Variants in NEMP2 observed in about 807,000 individuals in gnomAD.
The protein encoded by NEMP2 is UPF0571 transmembrane protein.
NEMP2 carries 53 observed loss-of-function variants against 54.2 expected under a neutral mutation model. That is an observed-to-expected ratio of 0.98 (90% CI 0.78 to 1.23). The LOEUF is 1.23. NEMP2 is among the 50% of genes most tolerant of loss of function. The pLI, the probability that NEMP2 is intolerant of heterozygous loss-of-function variation, is 0.00. For synonymous variants in NEMP2, 197 were observed against 190.3 expected (o/e 1.04, Z -0.29); for missense variants, 455 against 511.3 (o/e 0.89, Z 1.06).
At chr2:190,482,868 CTTTTTTTTTTTTTTTTT>C in the NEMP2 span, among the ~76,000 whole-genome samples, 523 of 48,310 alleles carry the variant, frequency 0.011, 21 homozygotes, top group African/African-American at 0.045. Context: ...AGACTATCAT[CTTTTTTTTTTTTTTTTT>C]TTTTTTTTTT....
chr2:190,502,930 T>A (rs1180355246), downstream of NEMP2, among the ~76,000 whole-genome samples: 3 of 152,152 alleles, frequency 2.0e-5, no homozygotes, highest in Non-Finnish European at 4.4e-5. This position sits in a 1 kb window ranked among gnomAD's most constrained non-coding sequence, Gnocchi z 4.4. Context: ...AAGCCAGGAT[T>A]CAAACTCAAA....
At chr2:190,421,919 T>A in the NEMP2 span, among the ~76,000 whole-genome samples, 11 of 152,104 alleles carry the variant, frequency 7.2e-5, no homozygotes. Flanking sequence ...GTCTTCCCAC[T>A]ATAGAAGAAA....
At chr2:190,463,962 C>G in the NEMP2 span, 1 of 873,754 alleles carries the variant, frequency 1.1e-6, no homozygotes, top group South Asian at 5.3e-5. This position sits in a 1 kb window ranked among gnomAD's most constrained non-coding sequence, Gnocchi z 4.4. Context: ...CTCCAGGGAT[C>G]TGGTGTCAAC....
chr2:190,434,214 G>T, the NEMP2 span, among the ~76,000 whole-genome samples: 1 of 151,270 alleles, frequency 6.6e-6, no homozygotes, highest in Admixed American at 6.6e-5. The surrounding 1 kb of genome is among the most constrained non-coding windows in gnomAD (Gnocchi z 4.3). Context: ...AGAAAAGAAG[G>T]TGAAAGGAAT....
the NEMP2 span, among the ~76,000 whole-genome samples, chr2:190,598,817 C>T: frequency 6.6e-6 from 1 of 152,164 alleles, no homozygotes; most frequent in African/African-American, 2.4e-5. Context: ...TGCCAAATAA[C>T]CTTATGACCA....
At chr2:190,599,991 T>A in the NEMP2 span, among the ~76,000 whole-genome samples, 2,065 of 152,252 alleles carry the variant, frequency 0.014, 51 homozygotes, top group African/African-American at 0.047. Context: ...ACACACACTC[T>A]CCTGCTGTAC....
rs1281700462 is a variant in NEMP2, at chr2:190,533,046, T to C, written c.97+1513A>G. 2.6e-5 allele frequency among the ~76,000 whole-genome samples: 4 copies of C among 152,228 alleles called. No individual in the cohort carries two copies. The highest frequency in any genetic ancestry group is 5.9e-5 in the Non-Finnish European group (4 of 68,038). ...GAGAAGCAGGCTGTTACTATTATACTAAATGCGGTAACATAAAAACTTTAA... is the reference window on the plus strand; with the variant it reads ...GAGAAGCAGGCTGTTACTATTATACCAAATGCGGTAACATAAAAACTTTAA... On this transcript the variant is annotated intron_variant, in intron 1 of 8. Coordinates refer to ENST00000409150, the MANE Select transcript of NEMP2 (RefSeq NM_001142645.2). This position sits in a 1 kb window ranked among gnomAD's most constrained non-coding sequence, Gnocchi z 4.3.
chr2:190,511,648 G>T (rs1443585471), intron 7 of NEMP2, among the ~76,000 whole-genome samples: 1 of 149,716 alleles, frequency 6.7e-6, no homozygotes, highest in Non-Finnish European at 1.5e-5. Flanking sequence ...TCCACCTCTG[G>T]GATTCAAGCA....
the NEMP2 span, among the ~76,000 whole-genome samples, chr2:190,426,778 C>T: frequency 2.0e-5 from 3 of 152,082 alleles, no homozygotes; most frequent in East Asian, 1.9e-4. This position sits in a 1 kb window ranked among gnomAD's most constrained non-coding sequence, Gnocchi z 4.7. Context: ...CTTGGTGTGA[C>T]GAATGATTTT....
the NEMP2 span, among the ~76,000 whole-genome samples, chr2:190,478,382 A>G: frequency 2.0e-5 from 3 of 152,188 alleles, no homozygotes; most frequent in Non-Finnish European, 4.4e-5. Context: ...TGACTGCACA[A>G]CAAAATCAAA....
chr2:190,471,931 C>T, the NEMP2 span, among the ~76,000 whole-genome samples: 2 of 152,194 alleles, frequency 1.3e-5, no homozygotes, highest in African/African-American at 4.8e-5. This position sits in a 1 kb window ranked among gnomAD's most constrained non-coding sequence, Gnocchi z 4.7. Flanking sequence ...TTGCTGTTCA[C>T]CAATATCCGC....
At chr2:190,607,066 G>A in the NEMP2 span, among the ~76,000 whole-genome samples, 3 of 152,166 alleles carry the variant, frequency 2.0e-5, no homozygotes, top group African/African-American at 7.2e-5. This position sits in a 1 kb window ranked among gnomAD's most constrained non-coding sequence, Gnocchi z 5.2. Flanking sequence ...CAGAGTGGAG[G>A]CATCTGAACA....
chr2:190,449,995 C>T, the NEMP2 span, among the ~76,000 whole-genome samples: 1 of 151,220 alleles, frequency 6.6e-6, no homozygotes, highest in Non-Finnish European at 1.5e-5. Context: ...GCACGTGTAC[C>T]CTAAAACTTA....
the NEMP2 span, among the ~76,000 whole-genome samples, chr2:190,423,864 T>C: frequency 1.3e-5 from 2 of 152,262 alleles, no homozygotes; most frequent in Non-Finnish European, 2.9e-5. The surrounding 1 kb of genome is among the most constrained non-coding windows in gnomAD (Gnocchi z 4.3). Flanking sequence ...ATCATGGTTT[T>C]AATTTACATT....
At chr2:190,561,321 A>G in the NEMP2 span, among the ~76,000 whole-genome samples, 18 of 152,342 alleles carry the variant, frequency 1.2e-4, no homozygotes, top group East Asian at 2.5e-3. The surrounding 1 kb of genome is among the most constrained non-coding windows in gnomAD (Gnocchi z 5.4). Context: ...GTAGCAAATA[A>G]TGAAAACTAT....
At position 190,523,285 on chromosome 2, in the gene NEMP2, A is replaced by G. The variant is rs1690815806; in HGVS notation, c.213+1978T>C. Among the ~76,000 whole-genome samples the G allele has an allele frequency of 6.6e-6, 1 of 152,222 alleles. No individual in the cohort carries two copies. The highest frequency in any genetic ancestry group is 1.5e-5 in the Non-Finnish European group (1 of 68,042). ...TTTTAAAAAAACACTATAAATAAAT[A>G]TTGAACTCCTGTTACTAGGTTTGTT... On this transcript the variant is annotated intron_variant, in intron 2 of 8. Transcript: ENST00000409150. The surrounding 1 kb of genome is among the most constrained non-coding windows in gnomAD (Gnocchi z 5.3).
At chr2:190,461,819 A>G in the NEMP2 span, among the ~76,000 whole-genome samples, 1 of 152,244 alleles carries the variant, frequency 6.6e-6, no homozygotes, top group Non-Finnish European at 1.5e-5. This position sits in a 1 kb window ranked among gnomAD's most constrained non-coding sequence, Gnocchi z 5.5. Flanking sequence ...TGTAGTATCT[A>G]CAATCTATGA....
the NEMP2 span, among the ~76,000 whole-genome samples, chr2:190,427,509 T>C: frequency 1.3e-5 from 2 of 152,250 alleles, no homozygotes; most frequent in Non-Finnish European, 2.9e-5. Flanking sequence ...TGTTTGCACC[T>C]ATCTTCACCC....
the NEMP2 span, among the ~76,000 whole-genome samples, chr2:190,485,098 C>T: frequency 6.6e-6 from 1 of 152,154 alleles, no homozygotes; most frequent in Admixed American, 6.5e-5. This position sits in a 1 kb window ranked among gnomAD's most constrained non-coding sequence, Gnocchi z 5.1. Flanking sequence ...AGTTTAAAAG[C>T]ATCCTGACTT....
Sources: gnomAD v4.1 joint callset for allele counts (sites outside exome capture counted in the v4.1 genomes callset) on GRCh38, gnomAD v4.1.1 for gene constraint, Gnocchi (gnomAD v3.1) non-coding constraint, MANE v1.5 for transcripts, NCBI Gene and HGNC (gene_info 2026-07-23, HGNC 2026-07-21) for gene names.